The following RDH12 variants were observed in gnomAD, a reference collection of about 807,000 sequenced individuals.
RDH12 encodes the protein all-trans and 9-cis retinol dehydrogenase.
A neutral mutation model predicts 34.0 loss-of-function variants in RDH12; 21 were observed. The ratio of observed to expected loss-of-function variants is 0.62; its 90% CI spans 0.44 to 0.89. The LOEUF is 0.89. Ranked by LOEUF, RDH12 falls within the 40% of genes least tolerant of loss-of-function variation. The pLI, the probability that RDH12 is intolerant of heterozygous loss-of-function variation, is 0.00. For missense variants in RDH12, 394 were observed against 398.6 expected (o/e 0.99, Z 0.10); for synonymous variants, 198 against 169.9 (o/e 1.17, Z -1.29).
At chr14:67,724,721 G>A in intron 4 of RDH12, 130 bp downstream of exon 4, 3 of 757,838 alleles carry the variant, frequency 4.0e-6, no homozygotes, top group Non-Finnish European at 7.0e-6. Context: ...AGGAACCTGG[G>A]ATTCAAGTCC....
chr14:67,728,895 A>T (rs2038226891), intron 7 of RDH12, among the ~76,000 whole-genome samples: 1 of 151,952 alleles, frequency 6.6e-6, no homozygotes, highest in African/African-American at 2.4e-5. Flanking sequence ...TACTCACTAC[A>T]TGTTGTCATG....
rs953897166 is a variant in RDH12 at position 67,721,624 on chromosome 14, A to G, written c.-220+722A>G. 3.9e-5 allele frequency among the ~76,000 whole-genome samples: 6 copies of G among 152,248 alleles called. No homozygotes were observed. The South Asian group carries it at 1.2e-3, about 32-fold the overall frequency. ...CCTTGAGTAAAGCAAGTGAGATAGCAAGGGAGATACGAATCAGAACAGCTA... is the reference window on the plus strand; with the variant it reads ...CCTTGAGTAAAGCAAGTGAGATAGCGAGGGAGATACGAATCAGAACAGCTA... On this transcript the variant is annotated intron_variant, in intron 2 of 8. Coordinates refer to ENST00000551171, the MANE Select transcript of RDH12 (RefSeq NM_152443.3).
In RDH12 at chr14:67,724,468, G is replaced by A. The variant is rs754192276; in HGVS notation, c.69-5G>A. The A allele has an allele frequency of 6.3e-6, 10 of 1,584,458 alleles. No individual in the cohort carries two copies. The highest frequency in any genetic ancestry group is 1.1e-5 in the South Asian group (1 of 90,176). On this transcript the variant is annotated splice_region_variant and splice_polypyrimidine_tract_variant and intron_variant, in intron 3 of 8. Coordinates refer to ENST00000551171, the MANE Select transcript of RDH12 (RefSeq NM_152443.3). ...ACGTGATGCTCTTGTTTCCCTTGCC[G>A]ATAGGAAGTTCTTTGCTGGTGGAGT... is the stretch of plus-strand genomic sequence containing the variant.
In RDH12 at chr14:67,734,116, A is replaced by G; in HGVS notation, c.*268A>G. On this transcript the variant is annotated 3_prime_UTR_variant, in exon 9 of 9. Transcript: ENST00000551171. Reference sequence around the variant, plus strand: ...CTCTGGGGGCAGCAGGACTGGGCAGATCCCAGGCTGGGCATGGGGGTGGCA... The same window carrying G: ...CTCTGGGGGCAGCAGGACTGGGCAGGTCCCAGGCTGGGCATGGGGGTGGCA... The G allele has an allele frequency of 2.8e-6, 1 of 354,808 alleles. No homozygotes were observed. Among genetic ancestry groups the G allele is most frequent in the Non-Finnish European group, 5.5e-6 (1 of 182,358 alleles). The allele number at this position is 354,808 out of a possible 1,614,324, so 22.0% of individuals were successfully genotyped here.
In RDH12 at chr14:67,723,797, G is replaced by A. The variant is rs78428729; in HGVS notation, c.69-676G>A. ...CAGGAAATGTTAGTTCTGCCCCTCCGTATTCTGTTTTAGGACCTGTGAAGT... is the reference window on the plus strand; with the variant it reads ...CAGGAAATGTTAGTTCTGCCCCTCCATATTCTGTTTTAGGACCTGTGAAGT... On this transcript the variant is annotated intron_variant, in intron 3 of 8. Coordinates refer to ENST00000551171, the MANE Select transcript of RDH12 (RefSeq NM_152443.3). 4.4e-3 allele frequency among the ~76,000 whole-genome samples: 672 copies of A among 152,316 alleles called. 34 individuals are homozygous for A. In the East Asian group the frequency reaches 0.1, roughly 23 times the overall value.
chr14:67,725,074 T>C (rs767683201), intron 4 of RDH12, 25 bp from the exon 5 acceptor site: 172 of 1,613,868 alleles, frequency 1.1e-4, no homozygotes, highest in Non-Finnish European at 1.4e-4. Context: ...ATGAACATAC[T>C]GCTCTTTTTT....
chr14:67,710,706 A>AC (rs2038000635), intron 1 of RDH12, among the ~76,000 whole-genome samples: 1 of 151,068 alleles, frequency 6.6e-6, no homozygotes, highest in African/African-American at 2.4e-5. Context: ...AAAATTTTTC[A>AC]CTTTTTTTTA....
chr14:67,728,703 T>G (rs372893915), intron 7 of RDH12, among the ~76,000 whole-genome samples: 135 of 142,104 alleles, frequency 9.5e-4, no homozygotes, highest in Middle Eastern at 3.5e-3. Context: ...GGATATCTTG[T>G]GGGGGGGGGG....
chr14:67,703,570 G>A (rs2037922531), intron 1 of RDH12, among the ~76,000 whole-genome samples: 1 of 152,170 alleles, frequency 6.6e-6, no homozygotes, highest in Admixed American at 6.6e-5. Flanking sequence ...TGTTAACTCT[G>A]TAGTTCTGGG....
At position 67,728,193 on chromosome 14, in the gene RDH12, G is replaced by C. The variant is rs574114955; in HGVS notation, c.659-998G>C. ...TTACAGTGAATAAGCCAGAGTTTGG[G>C]AACAATGATCTTCACTTCCAGAATG... On this transcript the variant is annotated intron_variant, in intron 7 of 8. Coordinates refer to ENST00000551171, the MANE Select transcript of RDH12 (RefSeq NM_152443.3). 2.0e-5 allele frequency: 3 copies of C among 152,302 alleles called. No homozygotes were observed. The South Asian group carries it at 6.2e-4, about 32-fold the overall frequency. The allele number at this position is 152,302 out of a possible 1,614,324, so 9.4% of individuals were successfully genotyped here.
intron 7 of RDH12, chr14:67,728,058 C>T (rs2038213377): frequency 6.6e-6 from 1 of 152,198 alleles, no homozygotes; most frequent in Admixed American, 6.5e-5. Flanking sequence ...TTCATCTTCT[C>T]AGCTGTAAAA....
At position 67,727,042 on chromosome 14, in the gene RDH12, G is replaced by T. The variant is rs1487804597; in HGVS notation, c.510G>T (p.Val170=). 6.2e-7 allele frequency: 1 copy of T among 1,613,922 alleles called. No homozygotes were observed. The highest frequency in any genetic ancestry group is 8.5e-7 in the Non-Finnish European group (1 of 1,180,042). The change falls in exon 7 of 9, where the codon GTG becomes GTT. Residue 170 remains valine, a synonymous_variant. Transcript: ENST00000551171. ...ERLKVSAPAR[V]VNVSSVAHHI... is the part of the protein sequence containing the mutation. The stretch of plus-strand genomic sequence containing the variant: ...TAAAGGTGTCTGCCCCTGCACGGGT[G>T]GTTAATGTGTCCTCGGTGGCTCACC...
Position 67,733,733 on chromosome 14 carries a change from C to T in RDH12, c.849-13C>T, listed in dbSNP as rs370130138. 7.6e-6 allele frequency: 12 copies of T among 1,583,704 alleles called. 1 individual carries two copies. Among genetic ancestry groups the T allele is most frequent in the Middle Eastern group, 1.7e-4 (1 of 6,020 alleles). ...CTCATTCCTGGAATTTACTGTCTTT[C>T]TCTGCCCTCCAGTGACTGCAAGAGG... On this transcript the variant is annotated splice_polypyrimidine_tract_variant and intron_variant, in intron 8 of 8. Transcript: ENST00000551171.
chr14:67,722,553 A>G lies in RDH12; in HGVS notation c.-90A>G, dbSNP rs2038135740. On this transcript the variant is annotated 5_prime_UTR_variant, in exon 3 of 9. Coordinates refer to ENST00000551171, the MANE Select transcript of RDH12 (RefSeq NM_152443.3). ...AGCAGAGAAGCAGCAGAAGCAGCCA[A>G]GAGCTGGAGCCAGACCAGGAACCTG... The G allele has an allele frequency of 9.2e-7, 1 of 1,085,784 alleles. No homozygotes were observed. The highest frequency in any genetic ancestry group is 1.7e-5 in the Admixed American group (1 of 59,350). 67.3% of individuals were successfully genotyped at this position (1,085,784 alleles called of 1,614,324 possible).
chr14:67,732,958 C>T (rs2038303310), intron 8 of RDH12, among the ~76,000 whole-genome samples: 1 of 151,786 alleles, frequency 6.6e-6, no homozygotes. Context: ...AAAAAAGGAA[C>T]ATTAAAAACA....
At chr14:67,716,162 A>C (rs1453083231) in intron 1 of RDH12, among the ~76,000 whole-genome samples, 1 of 150,962 alleles carries the variant, frequency 6.6e-6, no homozygotes, top group Non-Finnish European at 1.5e-5. Flanking sequence ...ACGCCACTGC[A>C]CTCCAGCCTG....
chr14:67,713,942 C>A (rs1481195810), intron 1 of RDH12, among the ~76,000 whole-genome samples: 1 of 152,044 alleles, frequency 6.6e-6, no homozygotes, highest in East Asian at 1.9e-4. Context: ...AAGAGGCAAC[C>A]AGATATGCAT....
chr14:67,713,041 C>T (rs2038027604), intron 1 of RDH12, among the ~76,000 whole-genome samples: 3 of 151,674 alleles, frequency 2.0e-5, no homozygotes, highest in African/African-American at 7.3e-5. Context: ...TGATGAAACC[C>T]AACAGGAAAA....
At chr14:67,726,476 G>C (rs1293016118) in intron 6 of RDH12, among the ~76,000 whole-genome samples, 1 of 152,202 alleles carries the variant, frequency 6.6e-6, no homozygotes, top group East Asian at 1.9e-4. Context: ...GGGCTTGGCT[G>C]GAGGGGTCAC....
Sources: gnomAD v4.1 joint callset for allele counts (sites outside exome capture counted in the v4.1 genomes callset) on GRCh38, gnomAD v4.1.1 for gene constraint, MANE v1.5 for transcripts, NCBI Gene and HGNC (gene_info 2026-07-23, HGNC 2026-07-21) for gene names.